NUP210: variants seen among roughly 807,000 people sequenced by gnomAD.
NUP210 encodes the protein nuclear pore membrane glycoprotein 210.
In NUP210, 151 loss-of-function variants were observed where a neutral mutation model predicts 196.0. The ratio of observed to expected loss-of-function variants is 0.77; its 90% CI spans 0.67 to 0.88. The LOEUF (loss-of-function observed/expected upper bound fraction) is 0.88. Among genes scored for constraint, NUP210 ranks in the 40% least tolerant of loss-of-function variants. NUP210 has a pLI of 0.00. For missense variants in NUP210, 2,314 were observed against 2,493.7 expected, an observed-to-expected ratio of 0.93 and a Z score of 1.53; for synonymous variants, 1,070 against 1,052.7, an observed-to-expected ratio of 1.02 and a Z score of -0.32.
At chr3:13,351,531 T>C in intron 20 of NUP210, 1 of 195,078 alleles carries the variant, frequency 5.1e-6, no homozygotes, top group Non-Finnish European at 1.1e-5. Context: ...CCCAGGTCTG[T>C]TGCCCAGGCT....
chr3:13,378,363 A>G (rs1158610088), intron 8 of NUP210, among the ~76,000 whole-genome samples: 3 of 152,250 alleles, frequency 2.0e-5, no homozygotes, highest in Non-Finnish European at 4.4e-5. Context: ...AACACAGGAT[A>G]CCACAGCACT....
At chr3:13,389,512 A>G (rs190308423) in intron 4 of NUP210, among the ~76,000 whole-genome samples, 5 of 152,296 alleles carry the variant, frequency 3.3e-5, no homozygotes, top group Admixed American at 2.0e-4. Flanking sequence ...GAAGCGACAA[A>G]GCCAGGACTG....
At chr3:13,417,193 C>T (rs1044743284) in intron 1 of NUP210, among the ~76,000 whole-genome samples, 1 of 152,146 alleles carries the variant, frequency 6.6e-6, no homozygotes, top group Non-Finnish European at 1.5e-5. Context: ...ACTCAGTGTC[C>T]ATCGCTACAA....
In NUP210 at chr3:13,388,288, G is replaced by A. The variant is rs1005954522; in HGVS notation, c.684+15C>T. The A allele has an allele frequency of 4.4e-6, 7 of 1,583,176 alleles. No homozygotes were observed. In the African/African-American group the frequency reaches 8.2e-5, roughly 18 times the overall value. On this transcript the variant is annotated intron_variant, in intron 5 of 39. Coordinates refer to ENST00000254508, the MANE Select transcript of NUP210 (RefSeq NM_024923.4). ...CCCCAGGAAGCCCACTGACACCCCA[G>A]CGCCCCAGGCCCACCTTGTAGACAG...
chr3:13,386,529 G>T, intron 5 of NUP210, 122 bp from the exon 6 acceptor site: 2 of 1,274,388 alleles, frequency 1.6e-6, no homozygotes, highest in South Asian at 1.4e-5. Context: ...AAAGAAACAA[G>T]ATATCATTCC....
chr3:13,340,062 A>C lies in NUP210; in HGVS notation c.3292-29T>G. On this transcript the variant is annotated intron_variant, in intron 24 of 39. Transcript: ENST00000254508. This position sits in a 1 kb window ranked among gnomAD's most constrained non-coding sequence, Gnocchi z 4.0. Reference sequence around the variant, plus strand: ...AGCGGGGAGGAAACAGCGGCGTGTCAGTGCCCGTCATGCCAGGCAGCCCGC... The same window carrying C: ...AGCGGGGAGGAAACAGCGGCGTGTCCGTGCCCGTCATGCCAGGCAGCCCGC... The C allele has an allele frequency of 6.2e-7, 1 of 1,608,716 alleles. No individual in the cohort carries two copies. The highest frequency in any genetic ancestry group is 1.1e-5 in the South Asian group (1 of 90,864).
intron 34 of NUP210, among the ~76,000 whole-genome samples, chr3:13,322,540 A>T (rs1696583349): frequency 6.6e-6 from 1 of 152,248 alleles, no homozygotes; most frequent in African/African-American, 2.4e-5. Context: ...AGAGGATGCC[A>T]TCGGCATCAC....
At chr3:13,408,787 C>CA (rs57395477) in intron 1 of NUP210, among the ~76,000 whole-genome samples, 15,557 of 76,342 alleles carry the variant, frequency 0.2, 1,627 homozygotes, top group African/African-American at 0.34. Context: ...GACTCTGTCT[C>CA]AAAAAAAAAA....
At chr3:13,401,258 T>TTAAAAAAAAAAAAA (rs1162470689) in intron 1 of NUP210, among the ~76,000 whole-genome samples, 2 of 16,504 alleles carry the variant, frequency 1.2e-4, no homozygotes, top group Non-Finnish European at 2.1e-4. Context: ...AGACTCTGGC[T>TTAAAAAAAAAAAAA]CAAAAAAAAA....
chr3:13,418,225 G>C (rs987396670), intron 1 of NUP210, among the ~76,000 whole-genome samples: 4 of 152,226 alleles, frequency 2.6e-5, no homozygotes, highest in African/African-American at 9.6e-5. Context: ...GCCTCCAGGT[G>C]CATAAAGCAC....
rs1427861927 is a variant in NUP210 at position 13,352,180 on chromosome 3, T to C, written c.2633A>G (p.Asp878Gly). The C allele has an allele frequency of 6.2e-7, 1 of 1,612,040 alleles. No individual in the cohort carries two copies. The highest frequency in any genetic ancestry group is 8.5e-7 in the Non-Finnish European group (1 of 1,178,902). ...GGAGGCCGACAGAGGCACCAGAGGG[T>C]CATGCTGAAGGACAAGGGCAAGGCC... ...LSSARTKQPH[D>G]PLVPLSASIE... Residue 878 changes from aspartate to glycine, a missense_variant, in exon 19 of 40, where the codon GAC (aspartate) becomes GGC (glycine). Physicochemically the swap from Asp to Gly is moderately conservative, Grantham distance 94. Transcript: ENST00000254508.
intron 28 of NUP210, 128 bp downstream of exon 28, chr3:13,335,326 C>T: frequency 9.0e-7 from 1 of 1,109,340 alleles, no homozygotes; most frequent in Non-Finnish European, 1.3e-6. Flanking sequence ...GGACCACTGT[C>T]ATCCCCACGG....
intron 30 of NUP210, among the ~76,000 whole-genome samples, chr3:13,330,106 T>C (rs987787372): frequency 2.6e-5 from 4 of 152,212 alleles, no homozygotes; most frequent in African/African-American, 9.6e-5. Flanking sequence ...AGCTCCACCA[T>C]GGGTGGTGAT....
intron 14 of NUP210, 86 bp from the exon 15 acceptor site, chr3:13,360,577 C>A: frequency 2.0e-6 from 2 of 1,022,598 alleles, no homozygotes; most frequent in Admixed American, 2.4e-5. Flanking sequence ...ATCCTCACCC[C>A]GCTTGTGGGG....
At chr3:13,352,830 T>C (rs1698026240) in intron 18 of NUP210, among the ~76,000 whole-genome samples, 1 of 149,548 alleles carries the variant, frequency 6.7e-6, no homozygotes, top group African/African-American at 2.5e-5. Flanking sequence ...GTGTGCATTG[T>C]GGGTGACAAG....
intron 1 of NUP210, among the ~76,000 whole-genome samples, chr3:13,407,700 T>C (rs868430695): frequency 1.3e-5 from 2 of 152,066 alleles, no homozygotes; most frequent in African/African-American, 2.4e-5. Context: ...CAGCAACTCT[T>C]CCATGGACTG....
Position 13,376,355 on chromosome 3 carries a change from C to A in NUP210, c.1229G>T (p.Arg410Leu), listed in dbSNP as rs773906792. 4 of 1,613,786 alleles carry A rather than the reference C, an allele frequency of 2.5e-6. No individual in the cohort carries two copies. Among genetic ancestry groups the A allele is most frequent in the Non-Finnish European group, 3.4e-6 (4 of 1,179,648 alleles). Residue 410 changes from arginine to leucine, a missense_variant, in exon 10 of 40, where the codon CGC becomes CTC. Transcript: ENST00000254508. The stretch of plus-strand genomic sequence containing the variant: ...CTGTCCCCTCTTTAGTGCCCTGATG[C>A]GATGGTATGACCCATTCTGGGAGGA... ...LSSSQNGSYH[R>L]IRALKRGQTA...
Position 13,323,507 on chromosome 3 carries a change from A to C in NUP210, c.4645-75T>G. ...CCATGCTGGGCGTTTCCACAACCTC[A>C]CCCTGCAGTCTGTGACATAGTGTCA... On this transcript the variant is annotated intron_variant, in intron 33 of 39. Coordinates refer to ENST00000254508, the MANE Select transcript of NUP210 (RefSeq NM_024923.4). The surrounding 1 kb of genome is among the most constrained non-coding windows in gnomAD (Gnocchi z 4.3). The C allele has an allele frequency of 1.3e-6, 2 of 1,539,378 alleles. No homozygotes were observed. The highest frequency in any genetic ancestry group is 1.8e-6 in the Non-Finnish European group (2 of 1,122,482).
chr3:13,319,123 C>A lies in NUP210; in HGVS notation c.5512G>T (p.Ala1838Ser). ...CGAGGCGTGAGGGCTGCAGGCACAG[C>A]AAGATCCCGGGGCGTGCAGACAGTG... Reference protein sequence around the residue: ...YHTVCTPRDLAVPAALTPRAS... With the variant: ...YHTVCTPRDLSVPAALTPRAS... Residue 1838 changes from alanine to serine, a missense_variant, in exon 39 of 40, where the codon GCT (alanine) becomes TCT (serine). Transcript: ENST00000254508. The A allele has an allele frequency of 1.2e-6, 2 of 1,609,242 alleles. No homozygotes were observed. The highest frequency in any genetic ancestry group is 1.7e-6 in the Non-Finnish European group (2 of 1,177,870).
Sources: allele counts gnomAD v4.1 joint callset (sites outside exome capture counted in the v4.1 genomes callset), GRCh38; gene constraint gnomAD v4.1.1; non-coding constraint Gnocchi (gnomAD v3.1); transcripts MANE v1.5; gene names NCBI Gene and HGNC (gene_info 2026-07-23, HGNC 2026-07-21).